Variants in PEX5L observed in about 807,000 individuals in gnomAD.
PEX5L encodes peroxisomal biogenesis factor 5 like.
In PEX5L, 30 loss-of-function variants were observed where a neutral mutation model predicts 84.0. The observed-to-expected ratio is 0.36, with a 90% CI of 0.27 to 0.48. PEX5L has a LOEUF of 0.48. Among genes scored for constraint, PEX5L ranks in the 20% least tolerant of loss-of-function variants. The pLI, the probability that PEX5L is intolerant of heterozygous loss-of-function variation, is 0.99. For missense variants in PEX5L, 533 were observed against 754.6 expected, an observed-to-expected ratio of 0.71 and a Z score of 3.44; for synonymous variants, 270 against 283.1, an observed-to-expected ratio of 0.95 and a Z score of 0.46.
At chr3:179,952,497 A>G (rs1032524822) in intron 2 of PEX5L, among the ~76,000 whole-genome samples, 4 of 152,118 alleles carry the variant, frequency 2.6e-5, no homozygotes, top group African/African-American at 7.2e-5. Flanking sequence ...TCATCTAATC[A>G]CTTACTTTTC....
intron 1 of PEX5L, among the ~76,000 whole-genome samples, chr3:179,997,601 C>G (rs1292364373): frequency 6.6e-6 from 1 of 152,224 alleles, no homozygotes; most frequent in East Asian, 1.9e-4. Flanking sequence ...TTGAAAGATG[C>G]AGGGGTGGTA....
chr3:179,935,060 T>TAA (rs59755960), intron 2 of PEX5L, among the ~76,000 whole-genome samples: 5 of 139,772 alleles, frequency 3.6e-5, no homozygotes, highest in Admixed American at 7.2e-5. Flanking sequence ...ATATGAGAAT[T>TAA]AAAAAAAAAA....
At chr3:179,879,393 G>C (rs539451720) in intron 5 of PEX5L, among the ~76,000 whole-genome samples, 2 of 152,080 alleles carry the variant, frequency 1.3e-5, no homozygotes, top group African/African-American at 4.8e-5. Flanking sequence ...TTTGAAACTT[G>C]GTTCCTCAGA....
rs1238130062 is a variant in PEX5L, at chr3:179,811,817, T to C, written c.1138A>G (p.Ile380Val). 6 of 1,613,740 alleles carry C rather than the reference T, an allele frequency of 3.7e-6. No individual in the cohort carries two copies. Among genetic ancestry groups the C allele is most frequent in the Non-Finnish European group, 5.1e-6 (6 of 1,179,750 alleles). Reference protein sequence around the residue: ...QAENENEQAAIVALQRCLELQ... With the variant: ...QAENENEQAAVVALQRCLELQ... ...TTCCTTTACCTCTGGAGGGCGACAATAGCTGCTTGTTCATTTTCATTCTCC... is the reference window on the plus strand; with the variant it reads ...TTCCTTTACCTCTGGAGGGCGACAACAGCTGCTTGTTCATTTTCATTCTCC... Residue 380 changes from isoleucine to valine, a missense_variant, in exon 11 of 15, where the codon ATT becomes GTT. This residue lies in a region of PEX5L where 32 missense variants were observed against 45.5 expected (regional missense o/e 0.70). Coordinates refer to ENST00000467460, the MANE Select transcript of PEX5L (RefSeq NM_016559.3).
intron 10 of PEX5L, among the ~76,000 whole-genome samples, 176 bp downstream of exon 10, chr3:179,815,685 A>T (rs1444501015): frequency 6.6e-6 from 1 of 152,222 alleles, no homozygotes; most frequent in Non-Finnish European, 1.5e-5. Flanking sequence ...TGCCAATTAG[A>T]AATTTGGTTA....
intron 1 of PEX5L, among the ~76,000 whole-genome samples, chr3:180,019,719 CA>C (rs1248697638): frequency 1.3e-5 from 2 of 152,152 alleles, no homozygotes; most frequent in Non-Finnish European, 2.9e-5. Context: ...CTTCCCACTG[CA>C]ACTAACTTAT....
chr3:179,902,493 A>G (rs1258835658), intron 2 of PEX5L, among the ~76,000 whole-genome samples: 2 of 152,230 alleles, frequency 1.3e-5, no homozygotes, highest in Admixed American at 6.5e-5. Context: ...GCACGTTTCT[A>G]ACAAAATGCT....
At chr3:179,839,065 A>G (rs1203299052) in intron 8 of PEX5L, among the ~76,000 whole-genome samples, 1 of 151,666 alleles carries the variant, frequency 6.6e-6, no homozygotes, top group Non-Finnish European at 1.5e-5. Flanking sequence ...TTTTTTCGGT[A>G]GAAAGACAAG....
chr3:179,808,513 C>A, intron 12 of PEX5L, 76 bp from the exon 13 acceptor site: 1 of 1,148,510 alleles, frequency 8.7e-7, no homozygotes, highest in Non-Finnish European at 1.2e-6. Flanking sequence ...AATCCCTTGA[C>A]TGTATTTCAA....
intron 3 of PEX5L, among the ~76,000 whole-genome samples, chr3:179,893,958 C>A (rs1758398936): frequency 6.6e-6 from 1 of 151,734 alleles, no homozygotes. Context: ...GAGATGGGGT[C>A]TTGCTATGTT....
At chr3:179,817,946 G>C (rs531709808) in intron 9 of PEX5L, among the ~76,000 whole-genome samples, 2 of 152,306 alleles carry the variant, frequency 1.3e-5, no homozygotes, top group Non-Finnish European at 2.9e-5. Flanking sequence ...TTCTCACTTA[G>C]CTATGATTTC....
At chr3:180,023,197 C>G (rs1790573404) in intron 1 of PEX5L, among the ~76,000 whole-genome samples, 1 of 152,178 alleles carries the variant, frequency 6.6e-6, no homozygotes, top group Non-Finnish European at 1.5e-5. Context: ...AACCTGTATG[C>G]TGCATTCTCT....
intron 8 of PEX5L, among the ~76,000 whole-genome samples, chr3:179,829,103 CAA>C (rs1731672671): frequency 6.6e-6 from 1 of 152,122 alleles, no homozygotes; most frequent in South Asian, 2.1e-4. Flanking sequence ...ACAGAGTAGA[CAA>C]AGACTGGAAG....
chr3:179,939,456 T>C lies in PEX5L; in HGVS notation c.93+32138A>G, dbSNP rs183373480. Among the ~76,000 whole-genome samples the C allele has an allele frequency of 3.1e-3, 477 of 152,280 alleles. 4 individuals carry two copies. Among genetic ancestry groups the C allele is most frequent in the Non-Finnish European group, 3.7e-3 (254 of 68,032 alleles). On this transcript the variant is annotated intron_variant, in intron 2 of 14. Transcript: ENST00000467460. ...CTTGAAGTCTTAAACTAAAGCAAGATGTTCAGAGGGTTCAGAAGAGAGGAA... is the reference window on the plus strand; with the variant it reads ...CTTGAAGTCTTAAACTAAAGCAAGACGTTCAGAGGGTTCAGAAGAGAGGAA...
intron 4 of PEX5L, among the ~76,000 whole-genome samples, chr3:179,880,366 G>T (rs1753795893): frequency 1.3e-5 from 2 of 152,318 alleles, no homozygotes; most frequent in South Asian, 2.1e-4. Flanking sequence ...CAATGATGAA[G>T]CTTTGAATGA....
chr3:180,026,955 T>C (rs1166569511), intron 1 of PEX5L, among the ~76,000 whole-genome samples: 1 of 152,184 alleles, frequency 6.6e-6, no homozygotes, highest in African/African-American at 2.4e-5. Context: ...TTACAGACTA[T>C]CTTGGAGCCC....
chr3:179,813,777 C>T (rs1724898317), intron 10 of PEX5L, among the ~76,000 whole-genome samples: 3 of 151,352 alleles, frequency 2.0e-5, no homozygotes, highest in Non-Finnish European at 4.4e-5. Context: ...CCCGGGTTCA[C>T]GCCATTCTCC....
intron 8 of PEX5L, among the ~76,000 whole-genome samples, chr3:179,850,574 A>C (rs1741437853): frequency 6.6e-6 from 1 of 152,212 alleles, no homozygotes; most frequent in Admixed American, 6.5e-5. Context: ...TGTGAGAGCA[A>C]AGGGAGTTTT....
At chr3:179,999,179 A>T (rs1788161875) in intron 1 of PEX5L, among the ~76,000 whole-genome samples, 1 of 152,210 alleles carries the variant, frequency 6.6e-6, no homozygotes, top group Non-Finnish European at 1.5e-5. Context: ...AAAATTGGTG[A>T]CAAAGAAATT....
Sources: allele counts gnomAD v4.1 joint callset (sites outside exome capture counted in the v4.1 genomes callset), GRCh38; gene constraint gnomAD v4.1.1; regional missense constraint gnomAD v4.1.1; transcripts MANE v1.5; gene names NCBI Gene and HGNC (gene_info 2026-07-23, HGNC 2026-07-21).